The following NPAS2 variants were observed in gnomAD, a reference collection of about 807,000 sequenced individuals.
NPAS2 encodes neuronal PAS domain protein 2.
Under a neutral mutation model 107.5 loss-of-function variants are expected in NPAS2, and 23 were observed. That is an observed-to-expected ratio of 0.21 (90% CI 0.15 to 0.30). The LOEUF (loss-of-function observed/expected upper bound fraction) is 0.30, where lower values mean the gene tolerates loss of function less well. Among genes scored for constraint, NPAS2 ranks in the 10% least tolerant of loss-of-function variants. NPAS2 has a pLI of 1.00. For missense variants in NPAS2, 756 were observed against 1,043.3 expected (o/e 0.72, Z 3.79); for synonymous variants, 403 against 417.5 (o/e 0.97, Z 0.42).
intron 1 of NPAS2, among the ~76,000 whole-genome samples, chr2:100,892,793 C>T (rs922455593): frequency 6.6e-6 from 1 of 152,158 alleles, no homozygotes; most frequent in Non-Finnish European, 1.5e-5. Flanking sequence ...GATCTCAGCT[C>T]GTTGCGGCCT....
chr2:100,905,614 GA>G (rs1431099013), intron 2 of NPAS2, among the ~76,000 whole-genome samples: 3 of 152,132 alleles, frequency 2.0e-5, no homozygotes, highest in Non-Finnish European at 4.4e-5. Context: ...GGCAGCAGGG[GA>G]CATCCTCTCT....
rs377053524 is a variant in NPAS2 at position 100,925,148 on chromosome 2, C to A, written c.35C>A (p.Ala12Asp). The part of the protein sequence containing the change: ...DEDEKDRAKR[A>D]SRNKSEKKRR... ...ACCTGCTCGTTTTGTGTTTACAGAGCTTCTCGAAACAAGTCTGAGAAGAAG... is the reference window on the plus strand; with the variant it reads ...ACCTGCTCGTTTTGTGTTTACAGAGATTCTCGAAACAAGTCTGAGAAGAAG... The change falls in exon 3 of 21, where the codon GCT becomes GAT. Residue 12 changes from alanine (A) to aspartate (D), a missense_variant and splice_region_variant. Coordinates refer to ENST00000335681, the MANE Select transcript of NPAS2 (RefSeq NM_002518.4). 79 of 1,609,512 alleles carry A rather than the reference C, an allele frequency of 4.9e-5. No individual in the cohort carries two copies. The highest frequency in any genetic ancestry group is 6.7e-5 in the Non-Finnish European group (79 of 1,176,772).
At chr2:100,979,089 C>CCT (rs1465630881) in intron 15 of NPAS2, among the ~76,000 whole-genome samples, 1 of 152,094 alleles carries the variant, frequency 6.6e-6, no homozygotes, top group Non-Finnish European at 1.5e-5. Context: ...GAACATATGC[C>CCT]CTCTTAGTGG....
intron 1 of NPAS2, among the ~76,000 whole-genome samples, chr2:100,839,480 A>G (rs55982284): frequency 0.23 from 34,343 of 152,092 alleles, 5,214 homozygotes; most frequent in Non-Finnish European, 0.32. Context: ...AAGAGTAGAT[A>G]GATCTCCTCT....
At chr2:100,879,648 ATGT>A (rs1462539154) in intron 1 of NPAS2, among the ~76,000 whole-genome samples, 1 of 152,074 alleles carries the variant, frequency 6.6e-6, no homozygotes, top group Admixed American at 6.6e-5. Context: ...AGGCCCGACC[ATGT>A]TGTGGGAAAT....
chr2:100,876,937 A>G (rs1028637600), intron 1 of NPAS2, among the ~76,000 whole-genome samples: 4 of 152,202 alleles, frequency 2.6e-5, no homozygotes, highest in African/African-American at 9.7e-5. Flanking sequence ...ATGGACCAGA[A>G]AAAGGACAGA....
In NPAS2 at chr2:100,964,855, A is replaced by G; in HGVS notation, c.718-6A>G. On this transcript the variant is annotated splice_region_variant and splice_polypyrimidine_tract_variant and intron_variant, in intron 8 of 20. Transcript: ENST00000335681. ...AACTTTTTTTTTTTTTCTGCTTCCA[A>G]TACAGGAAATGTGCATAGTTGACGA... is the stretch of plus-strand genomic sequence containing the variant. 1 of 1,570,496 alleles carries G rather than the reference A, an allele frequency of 6.4e-7. No homozygotes were observed. Among genetic ancestry groups the G allele is most frequent in the Non-Finnish European group, 8.6e-7 (1 of 1,165,424 alleles).
At chr2:100,829,186 G>GTTT (rs61069926) in intron 1 of NPAS2, among the ~76,000 whole-genome samples, 2 of 140,468 alleles carry the variant, frequency 1.4e-5, no homozygotes, top group African/African-American at 2.5e-5. Context: ...GTGTTTTGTT[G>GTTT]TTTTTTTTTT....
intron 12 of NPAS2, among the ~76,000 whole-genome samples, chr2:100,973,061 C>T (rs372963330): frequency 6.6e-6 from 1 of 152,100 alleles, no homozygotes; most frequent in African/African-American, 2.4e-5. Flanking sequence ...CACCTGTAAT[C>T]CCAGCTACTC....
chr2:100,911,996 G>A (rs1386254347), intron 2 of NPAS2, among the ~76,000 whole-genome samples: 2 of 152,156 alleles, frequency 1.3e-5, no homozygotes. Flanking sequence ...CAGCTCTAAT[G>A]TATTCTTTAG....
At chr2:100,937,288 G>C (rs954313089) in intron 4 of NPAS2, among the ~76,000 whole-genome samples, 2 of 152,172 alleles carry the variant, frequency 1.3e-5, no homozygotes, top group Non-Finnish European at 2.9e-5. Context: ...TTGGCCAACA[G>C]GCACACTTTC....
At chr2:100,840,014 G>A (rs1315024377) in intron 1 of NPAS2, among the ~76,000 whole-genome samples, 1 of 152,144 alleles carries the variant, frequency 6.6e-6, no homozygotes, top group Non-Finnish European at 1.5e-5. Flanking sequence ...TCTATATTCA[G>A]GGAATTTTAT....
At chr2:100,883,726 G>A (rs903245595) in intron 1 of NPAS2, among the ~76,000 whole-genome samples, 1 of 152,046 alleles carries the variant, frequency 6.6e-6, no homozygotes, top group Non-Finnish European at 1.5e-5. Context: ...CCATCTTCAG[G>A]TGGTTATAAA....
chr2:100,867,767 C>T (rs1224933494), intron 1 of NPAS2, among the ~76,000 whole-genome samples: 1 of 152,150 alleles, frequency 6.6e-6, no homozygotes, highest in Non-Finnish European at 1.5e-5. Flanking sequence ...TCACAAACTC[C>T]TGGGCTCAAG....
At chr2:100,840,581 C>T (rs1558796755) in intron 1 of NPAS2, among the ~76,000 whole-genome samples, 1 of 151,220 alleles carries the variant, frequency 6.6e-6, no homozygotes, top group South Asian at 2.1e-4. Flanking sequence ...ATACCCTGGA[C>T]AATCTTCTCT....
intron 1 of NPAS2, among the ~76,000 whole-genome samples, chr2:100,897,595 C>A (rs1425441010): frequency 6.6e-6 from 1 of 152,160 alleles, no homozygotes. Context: ...TGCTCACTCC[C>A]ACACTCCCTT....
chr2:100,923,714 G>C (rs934540759), intron 2 of NPAS2, among the ~76,000 whole-genome samples: 1 of 152,176 alleles, frequency 6.6e-6, no homozygotes, highest in Non-Finnish European at 1.5e-5. Context: ...CTCTCTCAGA[G>C]AGTTGACTTC....
At chr2:100,902,271 G>A (rs184606170) in intron 1 of NPAS2, among the ~76,000 whole-genome samples, 2 of 152,088 alleles carry the variant, frequency 1.3e-5, no homozygotes, top group African/African-American at 2.4e-5. Flanking sequence ...ACTCTAAAAC[G>A]CAAGGGGGGA....
At chr2:100,934,790 C>T in intron 4 of NPAS2, 1 of 985,452 alleles carries the variant, frequency 1.0e-6, no homozygotes, top group East Asian at 1.1e-4. Flanking sequence ...GGTGATGTCA[C>T]CATTGTCCAG....
Sources: allele counts gnomAD v4.1 joint callset (sites outside exome capture counted in the v4.1 genomes callset), GRCh38; gene constraint gnomAD v4.1.1; transcripts MANE v1.5; gene names NCBI Gene and HGNC (gene_info 2026-07-23, HGNC 2026-07-21).